ADK: variants seen among roughly 807,000 people sequenced by gnomAD.
The protein encoded by ADK is N6,N6-dimethyladenosine kinase.
Under a neutral mutation model 44.7 loss-of-function variants are expected in ADK, and 24 were observed. That is an observed-to-expected ratio of 0.54 (90% confidence interval 0.39 to 0.76). The LOEUF is 0.76. ADK is among the 30% of genes least tolerant of loss of function. The pLI is 0.00. For missense variants in ADK, 321 were observed against 425.1 expected (o/e 0.76, Z 2.15); for synonymous variants, 128 against 142.6 (o/e 0.90, Z 0.73).
Position 74,180,208 on chromosome 10 carries a change from T to TTTTA in ADK, c.66-20554_66-20553insTATT, listed in dbSNP as rs1554826124. ...ACTGAGCTTCCATTTCTCTTTTCTT[T>TTTTA]TTATTATTATTATTATTATTATTAT... is the stretch of plus-strand genomic sequence containing the variant. On this transcript the variant is annotated intron_variant, in intron 1 of 10. Coordinates refer to ENST00000539909, the MANE Select transcript of ADK (RefSeq NM_006721.4). Among the ~76,000 whole-genome samples, 512 of 96,518 alleles carry TTTTA rather than the reference T, an allele frequency of 5.3e-3. 2 individuals are homozygous for TTTTA. Among genetic ancestry groups the TTTTA allele is most frequent in the Middle Eastern group, 0.019 (3 of 156 alleles). The allele number at this position is 96,518 out of a possible 152,430, so 63.3% of individuals were successfully genotyped here.
At chr10:74,490,953 T>A (rs1847459836) in intron 6 of ADK, among the ~76,000 whole-genome samples, 1 of 152,172 alleles carries the variant, frequency 6.6e-6, no homozygotes, top group Non-Finnish European at 1.5e-5. Context: ...AACTTTTTCT[T>A]GTTATTTATA....
chr10:74,613,713 G>A lies in ADK; in HGVS notation c.877+13220G>A, dbSNP rs184870947. Among the ~76,000 whole-genome samples the A allele has an allele frequency of 1.8e-4, 28 of 152,158 alleles. No homozygotes were observed. In the East Asian group the frequency reaches 4.6e-3, roughly 25 times the overall value. Reference sequence around the variant, plus strand: ...AAAGGTCAGTGTGATTTGCAATTCTGGTAGACGTAAAGTTCAGAAAATGTG... The same window carrying A: ...AAAGGTCAGTGTGATTTGCAATTCTAGTAGACGTAAAGTTCAGAAAATGTG... On this transcript the variant is annotated intron_variant, in intron 9 of 10. Transcript: ENST00000539909.
intron 7 of ADK, among the ~76,000 whole-genome samples, chr10:74,560,475 A>G (rs189547152): frequency 4.6e-5 from 7 of 152,330 alleles, no homozygotes; most frequent in East Asian, 1.9e-4. Flanking sequence ...CTTATTTGCA[A>G]CAATGATGCT....
intron 8 of ADK, among the ~76,000 whole-genome samples, chr10:74,595,383 TTTTTTTTTTGGG>T (rs1851869400): frequency 1.3e-4 from 1 of 7,602 alleles, no homozygotes; most frequent in African/African-American, 5.3e-4. Context: ...TTTTTTTTTT[TTTTTTTTTTGGG>T]GAGGGGGTTT....
chr10:74,389,967 A>G (rs1448451589), intron 4 of ADK, among the ~76,000 whole-genome samples: 1 of 152,144 alleles, frequency 6.6e-6, no homozygotes, highest in Non-Finnish European at 1.5e-5. Context: ...GCTAAATTAT[A>G]TAATAATGAC....
intron 3 of ADK, among the ~76,000 whole-genome samples, chr10:74,272,424 C>T (rs1352671446): frequency 2.6e-5 from 4 of 151,980 alleles, no homozygotes; most frequent in Admixed American, 1.3e-4. Context: ...TACAGGCGCG[C>T]ACTACCATGC....
chr10:74,476,446 C>T (rs565713175), intron 6 of ADK, among the ~76,000 whole-genome samples: 7 of 151,598 alleles, frequency 4.6e-5, no homozygotes, highest in East Asian at 3.9e-4. Flanking sequence ...GAGTCAAGAT[C>T]GTGCCACTGC....
intron 4 of ADK, among the ~76,000 whole-genome samples, chr10:74,351,390 C>A (rs1379512702): frequency 6.6e-6 from 1 of 152,108 alleles, no homozygotes; most frequent in East Asian, 1.9e-4. Flanking sequence ...TAAAAACTCT[C>A]AAAAAACTAG....
chr10:74,657,582 A>G (rs1004816275), intron 9 of ADK, among the ~76,000 whole-genome samples: 1 of 152,232 alleles, frequency 6.6e-6, no homozygotes, highest in African/African-American at 2.4e-5. Context: ...GAAAATGTAT[A>G]GTGAGTTCAT....
chr10:74,155,620 C>T (rs1177416186), intron 1 of ADK, among the ~76,000 whole-genome samples: 1 of 152,158 alleles, frequency 6.6e-6, no homozygotes, highest in Non-Finnish European at 1.5e-5. Flanking sequence ...AGCTCCGCTT[C>T]CCGGGTTCAT....
At chr10:74,463,745 C>G (rs1846254679) in intron 6 of ADK, among the ~76,000 whole-genome samples, 1 of 152,072 alleles carries the variant, frequency 6.6e-6, no homozygotes, top group Non-Finnish European at 1.5e-5. Flanking sequence ...TAAAAACAAA[C>G]TTGTCTTGTG....
At chr10:74,632,305 C>T (rs1853467588) in intron 9 of ADK, among the ~76,000 whole-genome samples, 1 of 152,180 alleles carries the variant, frequency 6.6e-6, no homozygotes, top group African/African-American at 2.4e-5. Flanking sequence ...TTTTTATTGC[C>T]ATGTAACATT....
intron 4 of ADK, among the ~76,000 whole-genome samples, chr10:74,318,311 A>G (rs1840698005): frequency 6.6e-6 from 1 of 152,014 alleles, no homozygotes; most frequent in Non-Finnish European, 1.5e-5. Context: ...GACTACAGGC[A>G]CACCCTACCA....
At chr10:74,392,052 TTTAA>T (rs1309393360) in intron 4 of ADK, among the ~76,000 whole-genome samples, 3 of 152,150 alleles carry the variant, frequency 2.0e-5, no homozygotes, top group African/African-American at 4.8e-5. Flanking sequence ...TTCTTTATCC[TTTAA>T]TTGTTGATAG....
intron 6 of ADK, among the ~76,000 whole-genome samples, chr10:74,456,326 C>A (rs1465391880): frequency 6.6e-6 from 1 of 151,994 alleles, no homozygotes; most frequent in African/African-American, 2.4e-5. Flanking sequence ...TAATAGAAAT[C>A]ATAAAAAACA....
intron 1 of ADK, among the ~76,000 whole-genome samples, chr10:74,186,191 C>T (rs1025854100): frequency 3.1e-5 from 3 of 95,444 alleles, no homozygotes; most frequent in East Asian, 5.3e-4. Context: ...CCTTCCCTTT[C>T]CTTCCCTTCC....
chr10:74,371,079 T>C (rs1336859716), intron 4 of ADK, among the ~76,000 whole-genome samples: 1 of 152,208 alleles, frequency 6.6e-6, no homozygotes, highest in Non-Finnish European at 1.5e-5. Flanking sequence ...AATGAAATCA[T>C]TTATAAGTAT....
intron 2 of ADK, among the ~76,000 whole-genome samples, chr10:74,221,596 C>T (rs1201558521): frequency 2.0e-5 from 3 of 148,414 alleles, no homozygotes; most frequent in East Asian, 3.9e-4. Context: ...AAGCTGGAGG[C>T]ATCACGCTAC....
chr10:74,384,262 C>T (rs1027556252), intron 4 of ADK, among the ~76,000 whole-genome samples: 7 of 152,178 alleles, frequency 4.6e-5, no homozygotes, highest in Admixed American at 1.3e-4. Flanking sequence ...GATTTGGAAA[C>T]ACACCCTACA....
Sources: gnomAD v4.1 joint callset for allele counts (sites outside exome capture counted in the v4.1 genomes callset) on GRCh38, gnomAD v4.1.1 for gene constraint, MANE v1.5 for transcripts, NCBI Gene and HGNC (gene_info 2026-07-23, HGNC 2026-07-21) for gene names.